The following VPS13B variants were observed in gnomAD, a reference collection of about 807,000 sequenced individuals.
The protein encoded by VPS13B is intermembrane lipid transfer protein VPS13B.
VPS13B carries 285 observed loss-of-function variants against 426.4 expected under a neutral mutation model. The observed-to-expected ratio is 0.67, with a 90% CI of 0.61 to 0.74. The LOEUF (loss-of-function observed/expected upper bound fraction) is 0.74. VPS13B is among the 30% of genes least tolerant of loss of function. The pLI is 0.00. For missense variants in VPS13B, 4,537 were observed against 4,782.6 expected (o/e 0.95, Z 1.51); for synonymous variants, 1,676 against 1,676.4 (o/e 1.00, Z 0.01).
chr8:99,806,745 T>C (rs1044577281), intron 43 of VPS13B, among the ~76,000 whole-genome samples: 2 of 152,198 alleles, frequency 1.3e-5, no homozygotes, highest in African/African-American at 4.8e-5. Context: ...GGTATGCAAG[T>C]ATTTGTTACT....
At chr8:99,824,036 A>G in intron 51 of VPS13B, 58 bp downstream of exon 51, 1 of 1,578,420 alleles carries the variant, frequency 6.3e-7, no homozygotes, top group South Asian at 1.1e-5. Flanking sequence ...AATAAATAGG[A>G]TCAACTTCTC....
At chr8:99,622,946 G>A (rs1019303781) in intron 33 of VPS13B, among the ~76,000 whole-genome samples, 7 of 152,114 alleles carry the variant, frequency 4.6e-5, no homozygotes, top group African/African-American at 1.7e-4. Flanking sequence ...TACTAAGGTA[G>A]CCTCATAATT....
At chr8:99,423,922 G>T (rs1034236649) in intron 21 of VPS13B, among the ~76,000 whole-genome samples, 3 of 152,234 alleles carry the variant, frequency 2.0e-5, no homozygotes, top group Middle Eastern at 3.4e-3. Flanking sequence ...ATGTTTATTA[G>T]GTCCGCTTGG....
intron 20 of VPS13B, among the ~76,000 whole-genome samples, chr8:99,386,829 C>T (rs758184737): frequency 5.9e-5 from 9 of 152,030 alleles, no homozygotes; most frequent in East Asian, 3.9e-4. Flanking sequence ...ATTAGCTCTG[C>T]GTGGTGGTGC....
At chr8:99,312,385 A>C (rs1821037208) in intron 19 of VPS13B, among the ~76,000 whole-genome samples, 1 of 152,076 alleles carries the variant, frequency 6.6e-6, no homozygotes, top group Admixed American at 6.5e-5. Context: ...ATCTCTCAGC[A>C]TTTGCTTGTC....
intron 4 of VPS13B, among the ~76,000 whole-genome samples, chr8:99,097,482 A>G (rs1846490332): frequency 6.6e-6 from 1 of 152,142 alleles, no homozygotes; most frequent in South Asian, 2.1e-4. Flanking sequence ...GGAGCCTTTT[A>G]AACTATCAAT....
chr8:99,306,579 A>G (rs1820648132), intron 19 of VPS13B, among the ~76,000 whole-genome samples: 1 of 152,112 alleles, frequency 6.6e-6, no homozygotes, highest in African/African-American at 2.4e-5. Context: ...AGGTCTTAAC[A>G]AAATGCAAGA....
chr8:99,771,761 GC>G (rs1178726277), intron 40 of VPS13B, among the ~76,000 whole-genome samples: 1 of 152,160 alleles, frequency 6.6e-6, no homozygotes, highest in Admixed American at 6.5e-5. Context: ...ACTTGGGTCT[GC>G]CCTTTTAGAT....
intron 25 of VPS13B, among the ~76,000 whole-genome samples, chr8:99,484,789 C>T (rs989642441): frequency 6.6e-6 from 1 of 150,572 alleles, no homozygotes; most frequent in Non-Finnish European, 1.5e-5. Context: ...AGATCAATGC[C>T]TTAAAATTGA....
chr8:99,420,520 T>C (rs1168143732), intron 21 of VPS13B, among the ~76,000 whole-genome samples: 1 of 152,182 alleles, frequency 6.6e-6, no homozygotes, highest in East Asian at 1.9e-4. Flanking sequence ...TTTCTACGTT[T>C]ATGATTTTTC....
chr8:99,835,741 C>G lies in VPS13B; in HGVS notation c.9942+3C>G, dbSNP rs1237516327. On this transcript the variant is annotated splice_donor_region_variant and intron_variant, in intron 54 of 61. Coordinates refer to ENST00000357162, the MANE Select transcript of VPS13B (RefSeq NM_152564.5). The stretch of plus-strand genomic sequence containing the variant: ...ACATCAACAGTCAGGGAACACAGGT[C>G]AGTGAGCCATGTGTTCCTGCCAAGA... 1 of 1,613,984 alleles carries G rather than the reference C, an allele frequency of 6.2e-7. No individual in the cohort carries two copies. The highest frequency in any genetic ancestry group is 8.5e-7 in the Non-Finnish European group (1 of 1,179,972).
In VPS13B at chr8:99,170,546, G is replaced by C. The variant is rs370029644; in HGVS notation, c.2333+383G>C. On this transcript the variant is annotated intron_variant, in intron 16 of 61. Coordinates refer to ENST00000357162, the MANE Select transcript of VPS13B (RefSeq NM_152564.5). ...TATTTATCTATTAAATAATAATTTC[G>C]TATATATTCATACCCACTGACAAAA... Among the ~76,000 whole-genome samples, 104 of 151,720 alleles carry C rather than the reference G, an allele frequency of 6.9e-4. 1 individual carries two copies. In the South Asian group the frequency reaches 0.022, roughly 31 times the overall value.
At chr8:99,502,555 A>G (rs1821302090) in intron 26 of VPS13B, among the ~76,000 whole-genome samples, 1 of 152,190 alleles carries the variant, frequency 6.6e-6, no homozygotes, top group Non-Finnish European at 1.5e-5. Context: ...CAATGGTCAT[A>G]TTGATACATT....
chr8:99,541,349 T>A (rs1438888336), intron 30 of VPS13B, among the ~76,000 whole-genome samples: 1 of 152,136 alleles, frequency 6.6e-6, no homozygotes, highest in Non-Finnish European at 1.5e-5. Context: ...TTTTTTTAAC[T>A]TTAAGTTCTG....
At chr8:99,270,428 C>T (rs1229214834) in intron 17 of VPS13B, among the ~76,000 whole-genome samples, 3 of 151,596 alleles carry the variant, frequency 2.0e-5, no homozygotes, top group South Asian at 2.1e-4. Flanking sequence ...CGTGAGCCAC[C>T]GCGCCTGGCC....
intron 39 of VPS13B, among the ~76,000 whole-genome samples, chr8:99,742,202 C>T (rs1442845696): frequency 2.4e-4 from 37 of 152,242 alleles, no homozygotes; most frequent in Non-Finnish European, 3.1e-4. Flanking sequence ...AACACCTCTA[C>T]GCAAATAAAC....
At chr8:99,163,429 C>T (rs1483079307) in intron 15 of VPS13B, among the ~76,000 whole-genome samples, 1 of 152,210 alleles carries the variant, frequency 6.6e-6, no homozygotes, top group Non-Finnish European at 1.5e-5. Context: ...GTCGATGGGA[C>T]TGGGCGCCGT....
At chr8:99,695,864 A>T (rs896703219) in intron 35 of VPS13B, 3 of 152,214 alleles carry the variant, frequency 2.0e-5, no homozygotes, top group African/African-American at 7.2e-5. Flanking sequence ...GGCCCTGCTC[A>T]TGAAGATGTA....
chr8:99,778,692 G>A lies in VPS13B; in HGVS notation c.7440G>A (p.Gln2480=). The A allele has an allele frequency of 6.2e-7, 1 of 1,613,804 alleles. No homozygotes were observed. The highest frequency in any genetic ancestry group is 8.5e-7 in the Non-Finnish European group (1 of 1,179,814). The stretch of plus-strand genomic sequence containing the variant: ...TTGTTTTCTCAACAGCTGCACCACA[G>A]TACCTACAGCCATTTGTTTCCGACA... The part of the protein sequence containing the change: ...HLDQLGTAAP[Q]YLQPFVSDRN... Residue 2480 remains glutamine, a synonymous_variant, in exon 42 of 62, where the codon CAG becomes CAA. Transcript: ENST00000357162.
Sources: gnomAD v4.1 joint callset for allele counts (sites outside exome capture counted in the v4.1 genomes callset) on GRCh38, gnomAD v4.1.1 for gene constraint, MANE v1.5 for transcripts, NCBI Gene and HGNC (gene_info 2026-07-23, HGNC 2026-07-21) for gene names.